RSRC1: variants seen among roughly 807,000 people sequenced by gnomAD.
RSRC1 encodes serine/Arginine-related protein 53.
A neutral mutation model predicts 49.1 loss-of-function variants in RSRC1; 39 were observed. The ratio of observed to expected loss-of-function variants is 0.79; its 90% confidence interval spans 0.61 to 1.04. RSRC1 has a LOEUF of 1.04. Among genes scored for constraint, RSRC1 ranks in the 50% least tolerant of loss-of-function variants. RSRC1 has a pLI of 0.00. For synonymous variants in RSRC1, 143 were observed against 130.8 expected (o/e 1.09, Z -0.63); for missense variants, 388 against 402.4 (o/e 0.96, Z 0.31).
intron 6 of RSRC1, among the ~76,000 whole-genome samples, chr3:158,380,863 G>A (rs1040049513): frequency 8.6e-5 from 13 of 151,954 alleles, no homozygotes; most frequent in Non-Finnish European, 1.5e-4. Context: ...TTTCATTCTA[G>A]ATTTGAGACT....
chr3:158,256,714 T>G (rs946408446), intron 4 of RSRC1, among the ~76,000 whole-genome samples: 4 of 152,196 alleles, frequency 2.6e-5, no homozygotes, highest in Non-Finnish European at 5.9e-5. Context: ...CTTTTTTTGG[T>G]TGGTAGGCTA....
chr3:158,439,068 C>T (rs960716310), intron 6 of RSRC1, among the ~76,000 whole-genome samples: 3 of 148,924 alleles, frequency 2.0e-5, no homozygotes, highest in East Asian at 1.9e-4. Flanking sequence ...AAAAAATGCT[C>T]ATCATCACTG....
intron 7 of RSRC1, among the ~76,000 whole-genome samples, chr3:158,493,023 C>G (rs755312085): frequency 2.0e-5 from 3 of 152,096 alleles, no homozygotes; most frequent in Admixed American, 6.5e-5. Context: ...GAAAAGTGCT[C>G]TATAACGACA....
rs766665616 is a variant in RSRC1 at position 158,264,972 on chromosome 3, T to A, written c.495-33067T>A. ...GTGCTAATTAGTACTTTGCTGACTA[T>A]TTGAAGATTGCCCTGATCTGTCTCT... On this transcript the variant is annotated intron_variant, in intron 4 of 9. Coordinates refer to ENST00000611884, the MANE Select transcript of RSRC1 (RefSeq NM_001271838.2). Among the ~76,000 whole-genome samples the A allele has an allele frequency of 2.1e-3, 321 of 152,368 alleles. 3 individuals carry two copies. Among genetic ancestry groups the A allele is most frequent in the Non-Finnish European group, 4.1e-3 (281 of 68,032 alleles).
intron 7 of RSRC1, among the ~76,000 whole-genome samples, chr3:158,503,859 G>T (rs1175146709): frequency 2.0e-5 from 3 of 152,132 alleles, no homozygotes; most frequent in Non-Finnish European, 4.4e-5. Flanking sequence ...GTCTGCACAC[G>T]GGATTTGTGC....
chr3:158,268,893 A>G (rs1382518298), intron 4 of RSRC1, among the ~76,000 whole-genome samples: 2 of 152,186 alleles, frequency 1.3e-5, no homozygotes, highest in Non-Finnish European at 2.9e-5. Flanking sequence ...TGTTAATCAT[A>G]GTAGACTTTC....
intron 7 of RSRC1, among the ~76,000 whole-genome samples, chr3:158,474,778 T>C (rs1311492409): frequency 2.0e-5 from 3 of 152,184 alleles, no homozygotes; most frequent in South Asian, 2.1e-4. Context: ...CTACCAATCC[T>C]TCAGGTCTCA....
chr3:158,469,535 TAGCTAAAGCCTGTATAA>T, intron 7 of RSRC1: 1 of 197,994 alleles, frequency 5.1e-6, no homozygotes, highest in African/African-American at 2.4e-5. Context: ...AGAATGGTTA[TAGCTAAAGCCTGTATAA>T]TATGTTTGAA....
chr3:158,131,920 C>T (rs961507423), intron 3 of RSRC1, among the ~76,000 whole-genome samples: 3 of 151,926 alleles, frequency 2.0e-5, no homozygotes, highest in Middle Eastern at 3.2e-3. Flanking sequence ...ATATACTGAA[C>T]GTACGTTGCA....
chr3:158,342,102 G>A (rs903703414), intron 5 of RSRC1, among the ~76,000 whole-genome samples: 2 of 152,148 alleles, frequency 1.3e-5, no homozygotes, highest in South Asian at 2.1e-4. Flanking sequence ...GCTTATAGGC[G>A]GAAGGAATTT....
chr3:158,467,985 G>C (rs762564313), intron 7 of RSRC1, among the ~76,000 whole-genome samples: 1 of 152,192 alleles, frequency 6.6e-6, no homozygotes, highest in African/African-American at 2.4e-5. Flanking sequence ...CCAGGCTGGA[G>C]TGCAGTAGCA....
At chr3:158,465,296 G>C (rs553698497) in intron 7 of RSRC1, among the ~76,000 whole-genome samples, 2 of 152,196 alleles carry the variant, frequency 1.3e-5, no homozygotes, top group Non-Finnish European at 2.9e-5. Flanking sequence ...TAGTTTCTCA[G>C]GTTCCTTTCT....
At chr3:158,532,310 T>A (rs1712445688) in intron 7 of RSRC1, among the ~76,000 whole-genome samples, 1 of 151,912 alleles carries the variant, frequency 6.6e-6, no homozygotes, top group Non-Finnish European at 1.5e-5. Flanking sequence ...AGTGCCATCT[T>A]CAGTTCTCAG....
chr3:158,470,010 C>T (rs1015946637), intron 7 of RSRC1, among the ~76,000 whole-genome samples: 1 of 151,990 alleles, frequency 6.6e-6, no homozygotes, highest in Non-Finnish European at 1.5e-5. Context: ...ATATTTATCA[C>T]ATTATCATAC....
At chr3:158,134,353 A>G (rs1716226851) in intron 3 of RSRC1, among the ~76,000 whole-genome samples, 2 of 152,102 alleles carry the variant, frequency 1.3e-5, no homozygotes, top group African/African-American at 4.8e-5. Context: ...TTTTTCTTTT[A>G]GATTATTTCA....
At chr3:158,452,367 C>T (rs1737091795) in intron 6 of RSRC1, among the ~76,000 whole-genome samples, 1 of 152,090 alleles carries the variant, frequency 6.6e-6, no homozygotes, top group Admixed American at 6.6e-5. Context: ...CTTTTTTACT[C>T]ACACTGATTT....
intron 6 of RSRC1, among the ~76,000 whole-genome samples, chr3:158,434,731 C>A (rs986764598): frequency 6.6e-6 from 1 of 151,896 alleles, no homozygotes; most frequent in African/African-American, 2.4e-5. Context: ...AAGCTCTAAC[C>A]CCACTAACAT....
intron 3 of RSRC1, among the ~76,000 whole-genome samples, chr3:158,172,295 G>T (rs1430088785): frequency 1.3e-5 from 2 of 152,068 alleles, no homozygotes; most frequent in Admixed American, 1.3e-4. Context: ...ACGTAAAGGA[G>T]AATTATTTTA....
chr3:158,256,824 T>A (rs181238035), intron 4 of RSRC1, among the ~76,000 whole-genome samples: 1 of 152,348 alleles, frequency 6.6e-6, no homozygotes, highest in Admixed American at 6.5e-5. Context: ...CAGGAATTTA[T>A]CCATTTCTTC....
Sources: allele counts gnomAD v4.1 joint callset (sites outside exome capture counted in the v4.1 genomes callset), GRCh38; gene constraint gnomAD v4.1.1; transcripts MANE v1.5; gene names NCBI Gene and HGNC (gene_info 2026-07-23, HGNC 2026-07-21).